The following F13A1 variants were observed in gnomAD, a reference collection of about 807,000 sequenced individuals.
F13A1 encodes the protein FSF, A subunit.
F13A1 carries 47 observed loss-of-function variants against 80.1 expected under a neutral mutation model. That is an observed-to-expected ratio of 0.59 (90% confidence interval 0.46 to 0.75). The LOEUF is 0.75. Ranked by LOEUF, F13A1 falls within the 30% of genes least tolerant of loss-of-function variation. The pLI is 0.00. For synonymous variants in F13A1, 349 were observed against 344.9 expected (o/e 1.01, Z -0.13); for missense variants, 817 against 930.4 (o/e 0.88, Z 1.59).
intron 3 of F13A1, among the ~76,000 whole-genome samples, chr6:6,289,314 G>A (rs1758188143): frequency 6.6e-6 from 1 of 152,100 alleles, no homozygotes; most frequent in South Asian, 2.1e-4. Flanking sequence ...AATCACGTGA[G>A]CTGTCATCCC....
chr6:6,271,295 G>T (rs1430009759), intron 3 of F13A1, among the ~76,000 whole-genome samples: 1 of 152,148 alleles, frequency 6.6e-6, no homozygotes, highest in Non-Finnish European at 1.5e-5. Flanking sequence ...TGAGGAAGTT[G>T]TGACAGAGTA....
In F13A1 at chr6:6,276,218, G is replaced by A. The variant is rs1757986252; in HGVS notation, c.320-9409C>T. The stretch of plus-strand genomic sequence containing the variant: ...CCACGCTCCTCTGCTCTCTGACTTC[G>A]AGGTAGGTTCGGCCAAAGAGAGGAT... On this transcript the variant is annotated intron_variant, in intron 3 of 14. Coordinates refer to ENST00000264870, the MANE Select transcript of F13A1 (RefSeq NM_000129.4). 2.0e-5 allele frequency among the ~76,000 whole-genome samples: 3 copies of A among 152,296 alleles called. No individual in the cohort carries two copies. The South Asian group carries it at 6.2e-4, about 32-fold the overall frequency.
At chr6:6,200,742 C>A (rs953100862) in intron 8 of F13A1, among the ~76,000 whole-genome samples, 5 of 152,026 alleles carry the variant, frequency 3.3e-5, no homozygotes, top group African/African-American at 1.2e-4. Context: ...ACCAAGGTTG[C>A]AAGAGGATGA....
intron 7 of F13A1, among the ~76,000 whole-genome samples, 179 bp downstream of exon 7, chr6:6,224,507 T>C (rs956049763): frequency 1.3e-5 from 2 of 152,224 alleles, no homozygotes; most frequent in African/African-American, 4.8e-5. Flanking sequence ...AAAGAGAAAC[T>C]ATGAGCATAT....
intron 10 of F13A1, among the ~76,000 whole-genome samples, chr6:6,186,164 C>T (rs1248770830): frequency 8.0e-5 from 12 of 150,520 alleles, no homozygotes; most frequent in East Asian, 3.9e-4. Context: ...TTCTCCCATT[C>T]TGTAGGTTGC....
intron 3 of F13A1, among the ~76,000 whole-genome samples, chr6:6,290,785 C>G (rs936437363): frequency 8.5e-5 from 13 of 152,162 alleles, no homozygotes; most frequent in Admixed American, 1.3e-4. Flanking sequence ...GAGCAAAAAT[C>G]TGAAATGACA....
At chr6:6,271,739 GCT>G (rs1350715014) in intron 3 of F13A1, among the ~76,000 whole-genome samples, 9 of 152,186 alleles carry the variant, frequency 5.9e-5, no homozygotes, top group African/African-American at 2.2e-4. Flanking sequence ...ATTAACATAT[GCT>G]CTTAGTTTCA....
chr6:6,149,948 T>C (rs1760343907), intron 14 of F13A1, among the ~76,000 whole-genome samples: 1 of 152,176 alleles, frequency 6.6e-6, no homozygotes, highest in African/African-American at 2.4e-5. Context: ...AAACAAACCA[T>C]CTGGAGATTT....
chr6:6,167,870 T>C (rs1760705563), intron 12 of F13A1, among the ~76,000 whole-genome samples: 1 of 152,208 alleles, frequency 6.6e-6, no homozygotes, highest in Non-Finnish European at 1.5e-5. Context: ...CAAACAGTTC[T>C]TTTGCTGTTG....
chr6:6,213,117 C>G (rs994105091), intron 8 of F13A1, among the ~76,000 whole-genome samples: 2 of 152,276 alleles, frequency 1.3e-5, no homozygotes, highest in Admixed American at 6.5e-5. Context: ...AGGATACTAT[C>G]CAGGAGAATT....
intron 13 of F13A1, among the ~76,000 whole-genome samples, chr6:6,158,962 T>C (rs929052991): frequency 1.0e-4 from 15 of 150,606 alleles, no homozygotes; most frequent in Non-Finnish European, 1.5e-4. Context: ...AGTGCAGTGG[T>C]GTGATCTCAG....
chr6:6,167,387 C>T, intron 13 of F13A1, 71 bp downstream of exon 13: 1 of 1,484,956 alleles, frequency 6.7e-7, no homozygotes, highest in South Asian at 1.1e-5. Context: ...CATACAAGCA[C>T]GCATATGCAC....
Position 6,298,940 on chromosome 6 carries a change from C to T in F13A1, c.319+6411G>A, listed in dbSNP as rs1327293793. Among the ~76,000 whole-genome samples the T allele has an allele frequency of 4.0e-5, 6 of 148,444 alleles. No individual in the cohort carries two copies. In the East Asian group the frequency reaches 5.8e-4, roughly 14 times the overall value. On this transcript the variant is annotated intron_variant, in intron 3 of 14. Coordinates refer to ENST00000264870, the MANE Select transcript of F13A1 (RefSeq NM_000129.4). The stretch of plus-strand genomic sequence containing the variant: ...CCTTCAGGAGCTCTTTTAGGGCAGG[C>T]CTGGTGGTGACAAAATCTCTTAGCA...
In F13A1 at chr6:6,162,714, T is replaced by C. The variant is rs923070906; in HGVS notation, c.1908+4744A>G. Among the ~76,000 whole-genome samples the C allele has an allele frequency of 6.6e-6, 1 of 152,178 alleles. No individual in the cohort carries two copies. The highest frequency in any genetic ancestry group is 1.5e-5 in the Non-Finnish European group (1 of 68,034). ...TGTGACTCGGGCATCCAATGACTCA[T>C]AAAAAACTCACAAGGACCCCAGGAG... On this transcript the variant is annotated intron_variant, in intron 13 of 14. Transcript: ENST00000264870. The surrounding 1 kb of genome is among the most constrained non-coding windows in gnomAD (Gnocchi z 4.2).
chr6:6,270,399 G>A (rs149225926), intron 3 of F13A1, among the ~76,000 whole-genome samples: 2 of 152,262 alleles, frequency 1.3e-5, no homozygotes, highest in African/African-American at 2.4e-5. Context: ...ACAGTCTCAG[G>A]GGGTGTTGAA....
intron 10 of F13A1, among the ~76,000 whole-genome samples, chr6:6,189,565 G>A (rs1761142469): frequency 6.9e-6 from 1 of 144,356 alleles, no homozygotes; most frequent in Non-Finnish European, 1.5e-5. Flanking sequence ...ACTCTCTTCT[G>A]GCTTGTAGAG....
At chr6:6,182,192 C>T in intron 10 of F13A1, 51 bp from the exon 11 acceptor site, 1 of 1,605,526 alleles carries the variant, frequency 6.2e-7, no homozygotes, top group East Asian at 2.2e-5. Context: ...CTGCTGTTGC[C>T]AAAGTCTTTA....
At chr6:6,271,491 G>A (rs1456619565) in intron 3 of F13A1, among the ~76,000 whole-genome samples, 4 of 152,146 alleles carry the variant, frequency 2.6e-5, no homozygotes. Context: ...TTTGCCTAGA[G>A]TATATAATGC....
chr6:6,205,055 T>A (rs1284820035), intron 8 of F13A1, among the ~76,000 whole-genome samples: 1 of 152,162 alleles, frequency 6.6e-6, no homozygotes, highest in Non-Finnish European at 1.5e-5. Flanking sequence ...GGGAGATAAA[T>A]GGAGGGCGCC....
Sources: gnomAD v4.1 joint callset for allele counts (sites outside exome capture counted in the v4.1 genomes callset) on GRCh38, gnomAD v4.1.1 for gene constraint, Gnocchi (gnomAD v3.1) non-coding constraint, MANE v1.5 for transcripts, NCBI Gene and HGNC (gene_info 2026-07-23, HGNC 2026-07-21) for gene names.